SNX24: variants seen among roughly 807,000 people sequenced by gnomAD.
SNX24 encodes the protein sorting nexin-24.
SNX24 carries 22 observed loss-of-function variants against 28.7 expected under a neutral mutation model. The ratio of observed to expected loss-of-function variants is 0.77; its 90% CI spans 0.55 to 1.10. The LOEUF is 1.10. Among genes scored for constraint, SNX24 ranks in the 50% least tolerant of loss-of-function variants. The pLI, the probability that SNX24 is intolerant of heterozygous loss-of-function variation, is 0.00. For synonymous variants in SNX24, 69 were observed against 71.5 expected (o/e 0.96, Z 0.18); for missense variants, 221 against 201.1 (o/e 1.10, Z -0.60).
At chr5:122,873,951 G>A (rs141501779) in intron 1 of SNX24, among the ~76,000 whole-genome samples, 3 of 152,168 alleles carry the variant, frequency 2.0e-5, no homozygotes, top group African/African-American at 4.8e-5. Flanking sequence ...TGTATTTTTA[G>A]TAGAGATGGG....
In SNX24 at chr5:123,023,880, A is replaced by C. The variant is rs1369357212; in HGVS notation, n.384-5358A>C. 6.2e-7 allele frequency: 1 copy of C among 1,613,038 alleles called. No homozygotes were observed. Among genetic ancestry groups the C allele is most frequent in the Non-Finnish European group, 8.5e-7 (1 of 1,179,674 alleles). ...CTTGTTTTCTGCCAGTTGTGTCACC[A>C]ATCAGCGATCTCAACCACAAAAGGC... is the stretch of plus-strand genomic sequence containing the variant. On this transcript the variant is annotated intron_variant and non_coding_transcript_variant, in intron 5 of 5. Transcript: ENST00000502387.
At chr5:122,883,588 G>T (rs559825658) in intron 1 of SNX24, among the ~76,000 whole-genome samples, 18 of 152,072 alleles carry the variant, frequency 1.2e-4, no homozygotes, top group South Asian at 8.3e-4. Flanking sequence ...TACTATCTTG[G>T]AGCCAGTAAG....
chr5:123,004,907 A>C (rs965727321), intron 6 of SNX24, among the ~76,000 whole-genome samples: 1 of 152,126 alleles, frequency 6.6e-6, no homozygotes, highest in Non-Finnish European at 1.5e-5. Context: ...ATAAGCAAAA[A>C]CCAACAAAAA....
intron 6 of SNX24, among the ~76,000 whole-genome samples, chr5:123,002,932 A>T (rs1488888671): frequency 6.6e-6 from 1 of 152,196 alleles, no homozygotes; most frequent in Non-Finnish European, 1.5e-5. Context: ...GAATGAGAAA[A>T]TTGGGGTCCA....
chr5:122,934,829 G>A (rs30047), intron 1 of SNX24, among the ~76,000 whole-genome samples: 117,192 of 152,144 alleles, frequency 0.77, 46,013 homozygotes, highest in East Asian at 0.99. Context: ...AAAGTTTATC[G>A]CAAACTTTGC....
At chr5:123,001,805 T>C in intron 5 of SNX24, 135 bp from the exon 6 acceptor site, 1 of 724,834 alleles carries the variant, frequency 1.4e-6, no homozygotes. Context: ...TGCGTGCTAT[T>C]ATTCACCCAC....
intron 2 of SNX24, among the ~76,000 whole-genome samples, chr5:122,939,380 T>G (rs1351233279): frequency 1.3e-5 from 2 of 152,232 alleles, no homozygotes; most frequent in Non-Finnish European, 2.9e-5. Flanking sequence ...TTCAATAGAA[T>G]TATCTATTTA....
chr5:122,992,329 A>G (rs1761889208), intron 3 of SNX24, among the ~76,000 whole-genome samples: 1 of 152,140 alleles, frequency 6.6e-6, no homozygotes, highest in Non-Finnish European at 1.5e-5. Flanking sequence ...TACCCCATCT[A>G]CCACCCACCC....
intron 3 of SNX24, among the ~76,000 whole-genome samples, chr5:122,946,503 T>C (rs1017653253): frequency 6.6e-6 from 1 of 152,180 alleles, no homozygotes; most frequent in Non-Finnish European, 1.5e-5. Context: ...AATCCCAGCC[T>C]TCACGTTTTG....
chr5:122,942,053 G>GT (rs556763416), intron 2 of SNX24, among the ~76,000 whole-genome samples: 2 of 152,120 alleles, frequency 1.3e-5, no homozygotes, highest in Non-Finnish European at 1.5e-5. Flanking sequence ...TTAAATGGTG[G>GT]TTCCTGAAAA....
chr5:122,946,265 A>G (rs1759681687), intron 3 of SNX24, 106 bp downstream of exon 3: 1 of 572,830 alleles, frequency 1.7e-6, no homozygotes, highest in Admixed American at 3.5e-5. Context: ...AAGCAGCCAA[A>G]GATTCTAAAT....
At chr5:122,886,813 G>C (rs1359316070) in intron 1 of SNX24, among the ~76,000 whole-genome samples, 2 of 151,364 alleles carry the variant, frequency 1.3e-5, no homozygotes. Flanking sequence ...CTGGCCAACA[G>C]AGCGAGACTC....
intron 1 of SNX24, among the ~76,000 whole-genome samples, chr5:122,879,673 TTGTATGTATGTA>T (rs554807890): frequency 1.3e-5 from 2 of 151,374 alleles, no homozygotes; most frequent in Non-Finnish European, 2.9e-5. Flanking sequence ...TAATCAATTT[TTGTATGTATGTA>T]TGTATGTATG....
At position 122,961,533 on chromosome 5, in the gene SNX24, C is replaced by T. The variant is rs138449175; in HGVS notation, c.249+15374C>T. 5.7e-4 allele frequency among the ~76,000 whole-genome samples: 87 copies of T among 152,254 alleles called. No homozygotes were observed. In the East Asian group the frequency reaches 0.014, roughly 25 times the overall value. On this transcript the variant is annotated intron_variant, in intron 3 of 6. Transcript: ENST00000261369. ...AAATAATATTAATGGCTGGGATTGT[C>T]AGTACTTAACAGTACCGTCCTTCTA...
intron 6 of SNX24, among the ~76,000 whole-genome samples, chr5:123,005,087 C>T (rs1762378769): frequency 6.6e-6 from 1 of 152,172 alleles, no homozygotes; most frequent in African/African-American, 2.4e-5. Context: ...GATGAGAAAA[C>T]AACCCAAAAC....
At chr5:122,987,147 C>T (rs1395616435) in intron 3 of SNX24, among the ~76,000 whole-genome samples, 1 of 151,936 alleles carries the variant, frequency 6.6e-6, no homozygotes, top group East Asian at 1.9e-4. Flanking sequence ...GCGTGGTTAT[C>T]AGCTGGGAGA....
intron 1 of SNX24, among the ~76,000 whole-genome samples, chr5:122,887,163 T>C (rs1242441628): frequency 6.6e-6 from 1 of 152,182 alleles, no homozygotes; most frequent in East Asian, 1.9e-4. Flanking sequence ...TAGACAGTTA[T>C]CCTAACTGTA....
At chr5:122,898,876 A>T (rs1021110937) in intron 1 of SNX24, among the ~76,000 whole-genome samples, 1 of 152,188 alleles carries the variant, frequency 6.6e-6, no homozygotes, top group East Asian at 1.9e-4. Context: ...CGGCAGGCCA[A>T]ATGTGGTTGA....
intron 1 of SNX24, among the ~76,000 whole-genome samples, chr5:122,866,778 C>A (rs544613224): frequency 2.4e-4 from 36 of 152,312 alleles, no homozygotes; most frequent in Non-Finnish European, 3.8e-4. Context: ...CAATACATGG[C>A]ACAGTAACTC....
Sources: gnomAD v4.1 joint callset for allele counts (sites outside exome capture counted in the v4.1 genomes callset) on GRCh38, gnomAD v4.1.1 for gene constraint, MANE v1.5 for transcripts, NCBI Gene and HGNC (gene_info 2026-07-23, HGNC 2026-07-21) for gene names.